KCNJ3: variants seen among roughly 807,000 people sequenced by gnomAD.
KCNJ3 encodes G protein-activated inward rectifier potassium channel 1.
A neutral mutation model predicts 39.2 loss-of-function variants in KCNJ3; 4 were observed. The ratio of observed to expected loss-of-function variants is 0.10; its 90% CI spans 0.05 to 0.23. The LOEUF is 0.23. KCNJ3 is among the 10% of genes least tolerant of loss of function. The pLI is 1.00. For synonymous variants in KCNJ3, 230 were observed against 237.4 expected, an observed-to-expected ratio of 0.97 and a Z score of 0.29; for missense variants, 276 against 634.9, an observed-to-expected ratio of 0.43 and a Z score of 6.08.
At chr2:154,778,653 G>A (rs1468043286) in intron 2 of KCNJ3, among the ~76,000 whole-genome samples, 1 of 152,098 alleles carries the variant, frequency 6.6e-6, no homozygotes, top group South Asian at 2.1e-4. Context: ...TTTAGGAACT[G>A]AGATAATTTT....
At chr2:154,727,762 A>T (rs1200370822) in intron 2 of KCNJ3, among the ~76,000 whole-genome samples, 1 of 151,840 alleles carries the variant, frequency 6.6e-6, no homozygotes, top group Non-Finnish European at 1.5e-5. Flanking sequence ...GTTAACTTTT[A>T]AAAATGGCGT....
chr2:154,759,373 T>TC (rs904983380), intron 2 of KCNJ3, among the ~76,000 whole-genome samples: 23 of 151,956 alleles, frequency 1.5e-4, no homozygotes, highest in African/African-American at 5.1e-4. Flanking sequence ...CTTTTTTTTT[T>TC]TTGCAATATA....
chr2:154,746,458 T>A (rs1439889395), intron 2 of KCNJ3, among the ~76,000 whole-genome samples: 1 of 151,578 alleles, frequency 6.6e-6, no homozygotes, highest in Non-Finnish European at 1.5e-5. Flanking sequence ...GCAATGTAAA[T>A]AGGTGTTATA....
At chr2:154,732,962 A>G (rs1235556528) in intron 2 of KCNJ3, among the ~76,000 whole-genome samples, 1 of 152,180 alleles carries the variant, frequency 6.6e-6, no homozygotes, top group Non-Finnish European at 1.5e-5. Context: ...ACAGAAGCCA[A>G]GTCTGCCCAG....
chr2:154,724,867 AATGTT>A lies in KCNJ3; in HGVS notation c.919+15054_919+15058del, dbSNP rs573168109. ...TACTTATATTTATAAATATAAGAAAAATGTTATGTTTTATTATATATGTATGTATA... is the reference window on the plus strand; with the variant it reads ...TACTTATATTTATAAATATAAGAAAAATGTTTTATTATATATGTATGTATA... On this transcript the variant is annotated intron_variant, in intron 2 of 2. Transcript: ENST00000295101. Among the ~76,000 whole-genome samples the A allele has an allele frequency of 6.9e-3, 1,012 of 145,962 alleles. 10 individuals are homozygous for A. Among genetic ancestry groups the A allele is most frequent in the African/African-American group, 0.024 (948 of 39,728 alleles).
intron 2 of KCNJ3, among the ~76,000 whole-genome samples, chr2:154,840,220 TG>T (rs1406006905): frequency 1.3e-5 from 2 of 152,230 alleles, no homozygotes; most frequent in Non-Finnish European, 2.9e-5. Context: ...TTCTTGTTTT[TG>T]TCAGGTTTGT....
chr2:154,732,471 C>T (rs1685462592), intron 2 of KCNJ3, among the ~76,000 whole-genome samples: 1 of 152,028 alleles, frequency 6.6e-6, no homozygotes, highest in South Asian at 2.1e-4. Context: ...CTTACAGGCT[C>T]ATATTTTGGA....
At chr2:154,846,631 AT>A (rs1295705559) in intron 2 of KCNJ3, among the ~76,000 whole-genome samples, 1 of 152,116 alleles carries the variant, frequency 6.6e-6, no homozygotes, top group Non-Finnish European at 1.5e-5. Flanking sequence ...TTTGCTTAAT[AT>A]TTCCCTGTCT....
At chr2:154,793,945 AT>A (rs886934657) in intron 2 of KCNJ3, among the ~76,000 whole-genome samples, 6 of 151,050 alleles carry the variant, frequency 4.0e-5, no homozygotes, top group Admixed American at 1.3e-4. Flanking sequence ...GTATATATAT[AT>A]TTTTTTTTCC....
At chr2:154,744,904 G>T (rs1685714068) in intron 2 of KCNJ3, among the ~76,000 whole-genome samples, 1 of 151,730 alleles carries the variant, frequency 6.6e-6, no homozygotes, top group South Asian at 2.1e-4. Flanking sequence ...TAACTGTGTT[G>T]CTCTAATTTA....
chr2:154,792,480 C>T (rs1487328414), intron 2 of KCNJ3, among the ~76,000 whole-genome samples: 1 of 152,038 alleles, frequency 6.6e-6, no homozygotes, highest in African/African-American at 2.4e-5. Context: ...CTGTCAAAGT[C>T]TATGGAGCTT....
chr2:154,784,629 T>G (rs1017425766), intron 2 of KCNJ3, among the ~76,000 whole-genome samples: 5 of 152,056 alleles, frequency 3.3e-5, no homozygotes, highest in Non-Finnish European at 7.4e-5. Flanking sequence ...GATCTACCCA[T>G]CTCAGCCTCC....
At chr2:154,808,921 G>A (rs1180021273) in intron 2 of KCNJ3, among the ~76,000 whole-genome samples, 1 of 152,068 alleles carries the variant, frequency 6.6e-6, no homozygotes, top group African/African-American at 2.4e-5. Context: ...ATGAAAAGGG[G>A]TATGAAATGT....
chr2:154,774,660 AT>A (rs1258336609), intron 2 of KCNJ3, among the ~76,000 whole-genome samples: 2 of 152,168 alleles, frequency 1.3e-5, no homozygotes, highest in Non-Finnish European at 2.9e-5. Flanking sequence ...GGAACACTCT[AT>A]TCTGTAATAC....
At chr2:154,715,908 T>C (rs79215361) in intron 2 of KCNJ3, among the ~76,000 whole-genome samples, 3,259 of 152,250 alleles carry the variant, frequency 0.021, 114 homozygotes, top group East Asian at 0.15. Flanking sequence ...AATACTATTA[T>C]AGGCCCTAGT....
At chr2:154,757,280 A>G (rs951321462) in intron 2 of KCNJ3, among the ~76,000 whole-genome samples, 8 of 152,138 alleles carry the variant, frequency 5.3e-5, no homozygotes, top group African/African-American at 1.7e-4. Flanking sequence ...CTGGTTTTCT[A>G]TCTGTGAGCA....
chr2:154,819,723 G>T (rs1038802286), intron 2 of KCNJ3, among the ~76,000 whole-genome samples: 1 of 151,832 alleles, frequency 6.6e-6, no homozygotes, highest in South Asian at 2.1e-4. Flanking sequence ...TAGAGATGGG[G>T]TTGCACCCTG....
rs1687857065 is a variant in KCNJ3 at position 154,857,420 on chromosome 2, A to G, written c.*2107A>G. 1 of 152,150 alleles carries G rather than the reference A, an allele frequency of 6.6e-6. No homozygotes were observed. Among genetic ancestry groups the G allele is most frequent in the African/African-American group, 2.4e-5 (1 of 41,426 alleles). The allele number at this position is 152,150 out of a possible 1,614,324, so 9.4% of individuals were successfully genotyped here. On this transcript the variant is annotated 3_prime_UTR_variant, in exon 3 of 3. Coordinates refer to ENST00000295101, the MANE Select transcript of KCNJ3 (RefSeq NM_002239.4). ...CAAGTATATTCACACATTCAACAAA[A>G]TTTTTGCATGCCTTCTATGTCGTAG...
chr2:154,770,113 C>T (rs1473844368), intron 2 of KCNJ3, among the ~76,000 whole-genome samples: 3 of 152,122 alleles, frequency 2.0e-5, no homozygotes, highest in Non-Finnish European at 4.4e-5. Flanking sequence ...AGTATGTCAT[C>T]GGGAGCCAAT....
Sources: allele counts gnomAD v4.1 joint callset (sites outside exome capture counted in the v4.1 genomes callset), GRCh38; gene constraint gnomAD v4.1.1; transcripts MANE v1.5; gene names NCBI Gene and HGNC (gene_info 2026-07-23, HGNC 2026-07-21).